Variants in NAALAD2 observed in about 807,000 individuals in gnomAD.
NAALAD2 encodes N-acetylated-alpha-linked acidic dipeptidase 2.
Under a neutral mutation model 95.6 loss-of-function variants are expected in NAALAD2, and 89 were observed. That is an observed-to-expected ratio of 0.93 (90% CI 0.78 to 1.11). The LOEUF (loss-of-function observed/expected upper bound fraction) is 1.11, where lower values mean the gene tolerates loss of function less well. Among genes scored for constraint, NAALAD2 ranks in the 50% least tolerant of loss-of-function variants. NAALAD2 has a pLI of 0.00. For missense variants in NAALAD2, 894 were observed against 872.4 expected, an observed-to-expected ratio of 1.02 and a Z score of -0.31; for synonymous variants, 264 against 294.4, an observed-to-expected ratio of 0.90 and a Z score of 1.06.
intron 2 of NAALAD2, 112 bp from the exon 3 acceptor site, chr11:90,147,218 A>T: frequency 1.2e-6 from 1 of 825,142 alleles, no homozygotes; most frequent in Non-Finnish European, 1.9e-6. Context: ...TATCTGTCAT[A>T]TAGGAATGAC....
intron 18 of NAALAD2, among the ~76,000 whole-genome samples, chr11:90,190,665 T>G (rs146638454): frequency 1.3e-5 from 2 of 152,224 alleles, no homozygotes; most frequent in Admixed American, 6.6e-5. Context: ...ATAAACTGAT[T>G]TTAATTTTAA....
chr11:90,154,282 T>G (rs1213843278), intron 6 of NAALAD2, among the ~76,000 whole-genome samples: 2 of 151,916 alleles, frequency 1.3e-5, no homozygotes, highest in African/African-American at 4.8e-5. Context: ...TAGCTCTAGG[T>G]TTTTTATACA....
intron 18 of NAALAD2, 138 bp downstream of exon 18, chr11:90,183,146 A>G: frequency 1.8e-6 from 1 of 566,458 alleles, no homozygotes; most frequent in Non-Finnish European, 3.2e-6. Flanking sequence ...TGTACATTTA[A>G]TAATAGGTAT....
In NAALAD2 at chr11:90,177,586, G is replaced by GTTTTTTTTTTTTTTTTTTTTTTTTTTT. The variant is rs57694347; in HGVS notation, c.1594-255_1594-229dup. Among the ~76,000 whole-genome samples the GTTTTTTTTTTTTTTTTTTTTTTTTTTT allele has an allele frequency of 8.4e-4, 24 of 28,464 alleles. 11 individuals carry two copies. Among genetic ancestry groups the GTTTTTTTTTTTTTTTTTTTTTTTTTTT allele is most frequent in the South Asian group, 4.1e-3 (2 of 482 alleles). The allele number at this position is 28,464 out of a possible 152,430, so 18.7% of individuals were successfully genotyped here. A position where few individuals can be genotyped will look rare whatever the true frequency, so the allele number is the denominator to read the frequency against. On this transcript the variant is annotated intron_variant, in intron 15 of 18. Transcript: ENST00000534061. The stretch of plus-strand genomic sequence containing the variant: ...TATGGTTGTATTTTTTCTTTTTCTT[G>GTTTTTTTTTTTTTTTTTTTTTTTTTTT]TTTTTTTTTTTTTTTTTTTTTTTTT...
At chr11:90,134,864 C>A in intron 1 of NAALAD2, 24 bp downstream of exon 1, 2 of 1,611,146 alleles carry the variant, frequency 1.2e-6, no homozygotes, top group Non-Finnish European at 1.7e-6. Context: ...ACACTCTACC[C>A]CGACTCCGGG....
chr11:90,185,221 TATAA>T (rs1319684406), intron 18 of NAALAD2, among the ~76,000 whole-genome samples: 1 of 151,772 alleles, frequency 6.6e-6, no homozygotes, highest in Non-Finnish European at 1.5e-5. Flanking sequence ...ACACACAATA[TATAA>T]ACAATTTTTA....
At chr11:90,172,783 A>C (rs546919439) in intron 13 of NAALAD2, among the ~76,000 whole-genome samples, 10 of 152,244 alleles carry the variant, frequency 6.6e-5, no homozygotes, top group African/African-American at 2.4e-4. Context: ...TATCTATAGA[A>C]AAATTAAGAA....
chr11:90,134,097 T>C (rs1951398910), upstream of NAALAD2, among the ~76,000 whole-genome samples: 1 of 152,174 alleles, frequency 6.6e-6, no homozygotes, highest in Non-Finnish European at 1.5e-5. Flanking sequence ...CTTTCAGTGA[T>C]TACTTTTACT....
At position 90,170,920 on chromosome 11, in the gene NAALAD2, T is replaced by C. The variant is rs905909150; in HGVS notation, c.1410+784T>C. ...ATGGTAAGAAATGAGGCATAACCAA[T>C]GGGCCAAGGAGTTCAGAAATCTGTT... On this transcript the variant is annotated intron_variant, in intron 13 of 18. Transcript: ENST00000534061. 3.3e-5 allele frequency among the ~76,000 whole-genome samples: 5 copies of C among 152,248 alleles called. No homozygotes were observed. The East Asian group carries it at 5.8e-4, about 18-fold the overall frequency.
At position 90,154,553 on chromosome 11, in the gene NAALAD2, G is replaced by A. The variant is rs1470809277; in HGVS notation, c.796+2069G>A. ...ATATATTTTTCTTAAGAATGTTTCTGTCTATGGTCATAAGGGATGTTAACC... is the reference window on the plus strand; with the variant it reads ...ATATATTTTTCTTAAGAATGTTTCTATCTATGGTCATAAGGGATGTTAACC... On this transcript the variant is annotated intron_variant, in intron 6 of 18. Coordinates refer to ENST00000534061, the MANE Select transcript of NAALAD2 (RefSeq NM_005467.4). Among the ~76,000 whole-genome samples the A allele has an allele frequency of 2.0e-5, 3 of 151,548 alleles. No individual in the cohort carries two copies. In the East Asian group the frequency reaches 5.8e-4, roughly 29 times the overall value.
At chr11:90,163,212 G>T in intron 9 of NAALAD2, 98 bp from the exon 10 acceptor site, 1 of 1,356,334 alleles carries the variant, frequency 7.4e-7, no homozygotes, top group Non-Finnish European at 1.0e-6. Flanking sequence ...CTTCTATAGA[G>T]GAAACTCAAG....
chr11:90,143,648 C>T (rs10765253), intron 2 of NAALAD2, among the ~76,000 whole-genome samples: 67,727 of 151,402 alleles, frequency 0.45, 16,050 homozygotes, highest in African/African-American at 0.61. Context: ...ATTCTTTCTC[C>T]TCTTCTCTTT....
intron 14 of NAALAD2, 89 bp downstream of exon 14, chr11:90,174,004 C>T (rs1056858402): frequency 8.9e-6 from 8 of 897,440 alleles, no homozygotes; most frequent in East Asian, 2.5e-5. Context: ...AATTCTCAAG[C>T]GTCTCATCAA....
intron 11 of NAALAD2, among the ~76,000 whole-genome samples, chr11:90,167,583 T>G (rs541454824): frequency 6.6e-6 from 1 of 152,184 alleles, no homozygotes; most frequent in Non-Finnish European, 1.5e-5. Context: ...TGGGATCCAC[T>G]GAGTGAAGCC....
At position 90,182,480 on chromosome 11, in the gene NAALAD2, C is replaced by G. The variant is rs925914276; in HGVS notation, c.1941-436C>G. On this transcript the variant is annotated intron_variant, in intron 17 of 18. Coordinates refer to ENST00000534061, the MANE Select transcript of NAALAD2 (RefSeq NM_005467.4). ...TTCCCTATCCATTATGTGCAGCTAT[C>G]TCTTACCCTCCTTACAGGCTTCTGA... Among the ~76,000 whole-genome samples, 5 of 152,108 alleles carry G rather than the reference C, an allele frequency of 3.3e-5. No homozygotes were observed. The South Asian group carries it at 1.0e-3, about 31-fold the overall frequency.
rs1951911193 is a variant in NAALAD2 at position 90,152,325 on chromosome 11, A to G, written c.637A>G (p.Ile213Val). Residue 213 changes from isoleucine (I) to valine (V), a missense_variant, in exon 6 of 19, where the codon ATA becomes GTA. Transcript: ENST00000534061. The part of the protein sequence containing the change: ...KVKNAMLAGA[I>V]GIILYSDPAD... ...TAAAAATGCCATGTTAGCAGGAGCC[A>G]TAGGAATCATCTTGTACTCAGATCC... The G allele has an allele frequency of 2.5e-6, 4 of 1,608,156 alleles. No individual in the cohort carries two copies. The highest frequency in any genetic ancestry group is 1.7e-4 in the Middle Eastern group (1 of 6,052).
Position 90,191,940 on chromosome 11 carries a change from T to A in NAALAD2, c.*193T>A, listed in dbSNP as rs1421679271. The A allele has an allele frequency of 8.6e-6, 3 of 349,668 alleles. No homozygotes were observed. The highest frequency in any genetic ancestry group is 1.5e-5 in the Non-Finnish European group (3 of 198,744). The allele number at this position is 349,668 out of a possible 1,614,324, so 21.7% of individuals were successfully genotyped here. A position where few individuals can be genotyped will look rare whatever the true frequency, so the allele number is the denominator to read the frequency against. ...AGTTAATAATTATATTAGCAAAGTGTTAATCTAATGAAGTAAAAAACTCCT... is the reference window on the plus strand; with the variant it reads ...AGTTAATAATTATATTAGCAAAGTGATAATCTAATGAAGTAAAAAACTCCT... On this transcript the variant is annotated 3_prime_UTR_variant, in exon 19 of 19. Transcript: ENST00000534061.
chr11:90,150,301 C>T (rs959913116), intron 4 of NAALAD2, among the ~76,000 whole-genome samples, 181 bp from the exon 5 acceptor site: 1 of 151,360 alleles, frequency 6.6e-6, no homozygotes, highest in Non-Finnish European at 1.5e-5. Context: ...GTTTTTTAAA[C>T]TTTTCAGGAT....
At chr11:90,180,596 G>A (rs999717016) in intron 16 of NAALAD2, among the ~76,000 whole-genome samples, 3 of 151,982 alleles carry the variant, frequency 2.0e-5, no homozygotes, top group African/African-American at 7.2e-5. Context: ...TGAGCTGTAA[G>A]TGCTTTATCT....
Sources: allele counts gnomAD v4.1 joint callset (sites outside exome capture counted in the v4.1 genomes callset), GRCh38; gene constraint gnomAD v4.1.1; transcripts MANE v1.5; gene names NCBI Gene and HGNC (gene_info 2026-07-23, HGNC 2026-07-21).